Variants in SCFD2 observed in about 807,000 individuals in gnomAD.
SCFD2 encodes the protein sec1 family domain-containing protein 2.
A neutral mutation model predicts 58.9 loss-of-function variants in SCFD2; 54 were observed. The ratio of observed to expected loss-of-function variants is 0.92; its 90% CI spans 0.74 to 1.15. SCFD2 has a LOEUF of 1.15. SCFD2 is among the 50% of genes most tolerant of loss of function. SCFD2 has a pLI of 0.00. For missense variants in SCFD2, 805 were observed against 836.6 expected, an observed-to-expected ratio of 0.96 and a Z score of 0.47; for synonymous variants, 321 against 335.9, an observed-to-expected ratio of 0.96 and a Z score of 0.49.
chr4:53,167,786 ATC>A (rs1183159614), intron 4 of SCFD2, among the ~76,000 whole-genome samples: 1 of 152,198 alleles, frequency 6.6e-6, no homozygotes, highest in Non-Finnish European at 1.5e-5. Context: ...TATAAGACTA[ATC>A]TCTGTACTTG....
chr4:52,915,636 A>C (rs1719584893), intron 6 of SCFD2, among the ~76,000 whole-genome samples: 1 of 152,190 alleles, frequency 6.6e-6, no homozygotes, highest in South Asian at 2.1e-4. Context: ...GAAGCAGATT[A>C]GTTTTTAAAA....
At chr4:52,908,007 C>T (rs970127300) in intron 6 of SCFD2, among the ~76,000 whole-genome samples, 3 of 152,190 alleles carry the variant, frequency 2.0e-5, no homozygotes, top group Non-Finnish European at 4.4e-5. Flanking sequence ...CTCTCCTCTG[C>T]TAGGAACTCC....
intron 3 of SCFD2, among the ~76,000 whole-genome samples, chr4:53,300,556 C>T (rs1732242636): frequency 6.6e-6 from 1 of 152,156 alleles, no homozygotes; most frequent in African/African-American, 2.4e-5. Flanking sequence ...AGAAAGTTAA[C>T]AAGGATACCC....
At chr4:52,974,666 C>T in intron 5 of SCFD2, among the ~76,000 whole-genome samples, 1 of 152,054 alleles carries the variant, frequency 6.6e-6, no homozygotes, top group Non-Finnish European at 1.5e-5. Flanking sequence ...TTGGAAAAAA[C>T]TACTTTAAAG....
chr4:53,135,728 G>A (rs1165002336), intron 5 of SCFD2, among the ~76,000 whole-genome samples: 11 of 151,756 alleles, frequency 7.2e-5, no homozygotes, highest in South Asian at 2.1e-4. Flanking sequence ...GCAACAGAGC[G>A]AGACTCCATC....
rs146964667 is a variant in SCFD2, at chr4:53,199,932, G to A, written c.1312-54350C>T. ...ACATGGCAGAGAGAAGGAGGGAGGC[G>A]GGAAGAAGAGCAAGAGAGAGTGAGA... is the stretch of plus-strand genomic sequence containing the variant. On this transcript the variant is annotated intron_variant, in intron 4 of 8. Transcript: ENST00000401642. Among the ~76,000 whole-genome samples the A allele has an allele frequency of 5.2e-4, 79 of 151,870 alleles. No individual in the cohort carries two copies. The East Asian group carries it at 5.4e-3, about 10-fold the overall frequency.
intron 4 of SCFD2, among the ~76,000 whole-genome samples, chr4:53,175,901 G>T (rs1035371347): frequency 1.1e-4 from 16 of 152,090 alleles, no homozygotes; most frequent in African/African-American, 3.9e-4. Flanking sequence ...CCTAGTCCCT[G>T]ACTTCCTTAA....
chr4:53,233,448 T>C (rs1157606809), intron 4 of SCFD2, among the ~76,000 whole-genome samples: 1 of 152,242 alleles, frequency 6.6e-6, no homozygotes, highest in Non-Finnish European at 1.5e-5. Flanking sequence ...TTTGAAACTT[T>C]TTTAGTAAAC....
At chr4:53,269,499 AGAATT>A (rs1731094128) in intron 4 of SCFD2, among the ~76,000 whole-genome samples, 1 of 152,194 alleles carries the variant, frequency 6.6e-6, no homozygotes, top group African/African-American at 2.4e-5. Context: ...AAAGCGATAA[AGAATT>A]GAAGAAATTA....
chr4:52,904,147 G>A (rs917976134), intron 7 of SCFD2, among the ~76,000 whole-genome samples: 3 of 152,148 alleles, frequency 2.0e-5, no homozygotes, highest in South Asian at 4.1e-4. Context: ...CCCTGCTTCC[G>A]GGTGTCCCTG....
chr4:52,924,020 G>GA (rs1179578447), intron 5 of SCFD2, among the ~76,000 whole-genome samples: 1 of 151,986 alleles, frequency 6.6e-6, no homozygotes, highest in Non-Finnish European at 1.5e-5. Context: ...AAAACAAGGA[G>GA]AAAAAAAGTT....
chr4:53,232,887 A>G (rs1220570311), intron 4 of SCFD2, among the ~76,000 whole-genome samples: 2 of 152,194 alleles, frequency 1.3e-5, no homozygotes, highest in Admixed American at 6.5e-5. Flanking sequence ...GTAAAGAATG[A>G]GAAGAACAGA....
intron 5 of SCFD2, among the ~76,000 whole-genome samples, chr4:52,988,222 G>A (rs1160675262): frequency 6.6e-6 from 1 of 152,142 alleles, no homozygotes; most frequent in Non-Finnish European, 1.5e-5. Flanking sequence ...ATCACACTCC[G>A]AGTTTTGACT....
At chr4:53,233,923 T>C (rs1248130915) in intron 4 of SCFD2, among the ~76,000 whole-genome samples, 2 of 152,186 alleles carry the variant, frequency 1.3e-5, no homozygotes, top group Non-Finnish European at 2.9e-5. Context: ...GCCAAATTTA[T>C]AGATATATCA....
chr4:53,208,115 C>A (rs1166014847), intron 4 of SCFD2, among the ~76,000 whole-genome samples: 1 of 151,760 alleles, frequency 6.6e-6, no homozygotes, highest in East Asian at 1.9e-4. Context: ...CACCAACATG[C>A]CCAGCAATTT....
chr4:53,217,887 C>A lies in SCFD2; in HGVS notation c.1311+55939G>T, dbSNP rs1166084544. Among the ~76,000 whole-genome samples, 3 of 152,260 alleles carry A rather than the reference C, an allele frequency of 2.0e-5. No individual in the cohort carries two copies. In the South Asian group the frequency reaches 6.2e-4, roughly 32 times the overall value. ...TGCTTGTCTGTAAAGGATTTTATTT[C>A]TCCTTCACTTATGAAGCTTAGTTTG... On this transcript the variant is annotated intron_variant, in intron 4 of 8. Transcript: ENST00000401642.
In SCFD2 at chr4:53,155,345, G is replaced by A. The variant is rs145895060; in HGVS notation, c.1312-9763C>T. Reference sequence around the variant, plus strand: ...GTGGGACTGGTGCAGTTATAAAGCAGCAAATTCAGCCCTCTCTTGCTCTCT... The same window carrying A: ...GTGGGACTGGTGCAGTTATAAAGCAACAAATTCAGCCCTCTCTTGCTCTCT... On this transcript the variant is annotated intron_variant, in intron 4 of 8. Coordinates refer to ENST00000401642, the MANE Select transcript of SCFD2 (RefSeq NM_152540.4). Among the ~76,000 whole-genome samples, 4 of 152,318 alleles carry A rather than the reference G, an allele frequency of 2.6e-5. No individual in the cohort carries two copies. The East Asian group carries it at 7.7e-4, about 29-fold the overall frequency.
chr4:53,060,395 T>C (rs1723475858), intron 5 of SCFD2, among the ~76,000 whole-genome samples: 1 of 152,120 alleles, frequency 6.6e-6, no homozygotes, highest in Admixed American at 6.6e-5. Flanking sequence ...GAGTTTTACA[T>C]GTAAATTGAA....
chr4:53,091,771 G>A (rs1285474552), intron 5 of SCFD2, among the ~76,000 whole-genome samples: 2 of 151,972 alleles, frequency 1.3e-5, no homozygotes, highest in African/African-American at 2.4e-5. Flanking sequence ...GAAAAATAGG[G>A]CTATGGAGTC....
Sources: gnomAD v4.1 joint callset for allele counts (sites outside exome capture counted in the v4.1 genomes callset) on GRCh38, gnomAD v4.1.1 for gene constraint, MANE v1.5 for transcripts, NCBI Gene and HGNC (gene_info 2026-07-23, HGNC 2026-07-21) for gene names.